PDS5B: variants seen among roughly 807,000 people sequenced by gnomAD.
The protein encoded by PDS5B is sister chromatid cohesion protein PDS5 homolog B.
A neutral mutation model predicts 184.1 loss-of-function variants in PDS5B; 51 were observed. The observed-to-expected ratio is 0.28, with a 90% CI of 0.22 to 0.35. PDS5B has a LOEUF of 0.35. Ranked by LOEUF, PDS5B falls within the 10% of genes least tolerant of loss-of-function variation. The pLI is 1.00. For synonymous variants in PDS5B, 566 were observed against 569.2 expected (o/e 0.99, Z 0.08); for missense variants, 1,180 against 1,723.3 (o/e 0.68, Z 5.58).
At chr13:32,746,597 G>C (rs1019552760) in intron 24 of PDS5B, among the ~76,000 whole-genome samples, 1 of 152,164 alleles carries the variant, frequency 6.6e-6, no homozygotes, top group Non-Finnish European at 1.5e-5. Flanking sequence ...TTGTGCTTTG[G>C]AACGCCAGAC....
chr13:32,605,794 T>C (rs1227417443), intron 1 of PDS5B, among the ~76,000 whole-genome samples: 1 of 152,204 alleles, frequency 6.6e-6, no homozygotes, highest in East Asian at 1.9e-4. Flanking sequence ...TAGCTCTTCT[T>C]GTTGAATCGA....
Position 32,651,266 on chromosome 13 carries a change from G to C in PDS5B, c.109-538G>C, listed in dbSNP as rs547586861. ...AAATATTTTGTTGGATGCCGTGGTA[G>C]ATACTTCATAGTAGCTTTTCAGTGT... is the stretch of plus-strand genomic sequence containing the variant. On this transcript the variant is annotated intron_variant, in intron 2 of 34. Coordinates refer to ENST00000315596, the MANE Select transcript of PDS5B (RefSeq NM_015032.4). 4.6e-5 allele frequency among the ~76,000 whole-genome samples: 7 copies of C among 152,296 alleles called. No homozygotes were observed. The East Asian group carries it at 1.4e-3, about 29-fold the overall frequency.
intron 1 of PDS5B, among the ~76,000 whole-genome samples, chr13:32,587,728 GT>G (rs897028040): frequency 6.6e-6 from 1 of 152,230 alleles, no homozygotes; most frequent in African/African-American, 2.4e-5. Context: ...CCCAGCGAGG[GT>G]TAACCCTTTT....
chr13:32,745,887 G>A, intron 23 of PDS5B, 90 bp from the exon 24 acceptor site: 3 of 1,080,794 alleles, frequency 2.8e-6, no homozygotes, highest in Non-Finnish European at 4.0e-6. Flanking sequence ...AAACTTTTTT[G>A]TGCCAGAATT....
chr13:32,625,780 A>C (rs1006247165), intron 1 of PDS5B, among the ~76,000 whole-genome samples: 2 of 152,030 alleles, frequency 1.3e-5, no homozygotes, highest in Non-Finnish European at 2.9e-5. Context: ...ATAAAAAAAA[A>C]AAAGTTTGAA....
At chr13:32,592,505 C>T (rs2057793047) in intron 1 of PDS5B, among the ~76,000 whole-genome samples, 1 of 152,074 alleles carries the variant, frequency 6.6e-6, no homozygotes, top group Non-Finnish European at 1.5e-5. Context: ...GATCTGCCCG[C>T]CTTGGCCTCT....
At position 32,697,210 on chromosome 13, in the gene PDS5B, C is replaced by T. The variant is rs1027250476; in HGVS notation, c.1600+308C>T. On this transcript the variant is annotated intron_variant, in intron 15 of 34. Coordinates refer to ENST00000315596, the MANE Select transcript of PDS5B (RefSeq NM_015032.4). The stretch of plus-strand genomic sequence containing the variant: ...AAAGGATATACCTAATAACTACATA[C>T]GTAACAGCTTCTTTGAAAAAATATT... Among the ~76,000 whole-genome samples, 10 of 152,284 alleles carry T rather than the reference C, an allele frequency of 6.6e-5. No individual in the cohort carries two copies. In the East Asian group the frequency reaches 1.7e-3, roughly 26 times the overall value.
At chr13:32,646,605 G>A (rs7329120) in intron 1 of PDS5B, among the ~76,000 whole-genome samples, 3 of 150,790 alleles carry the variant, frequency 2.0e-5, no homozygotes, top group Admixed American at 6.6e-5. Flanking sequence ...TTAGCTTAAC[G>A]GGTTTTAGTG....
Position 32,673,118 on chromosome 13 carries a change from T to C in PDS5B, c.706-98T>C. 4.7e-6 allele frequency: 5 copies of C among 1,056,036 alleles called. No individual in the cohort carries two copies. The South Asian group carries it at 5.5e-5, about 12-fold the overall frequency. The allele number at this position is 1,056,036 out of a possible 1,614,324, so 65.4% of individuals were successfully genotyped here. On this transcript the variant is annotated intron_variant, in intron 7 of 34. Transcript: ENST00000315596. ...TATTTTGATATGCCTAGTTTGACTTTGTATAAAATAATGATGAATTTGGTC... is the reference window on the plus strand; with the variant it reads ...TATTTTGATATGCCTAGTTTGACTTCGTATAAAATAATGATGAATTTGGTC...
intron 31 of PDS5B, among the ~76,000 whole-genome samples, chr13:32,769,333 G>C (rs1954698668): frequency 6.6e-6 from 1 of 152,126 alleles, no homozygotes; most frequent in South Asian, 2.1e-4. Flanking sequence ...TAATTCGATA[G>C]TTTTTGTTGT....
In PDS5B at chr13:32,611,630, C is replaced by T. The variant is rs535309133; in HGVS notation, c.-20+25037C>T. Among the ~76,000 whole-genome samples the T allele has an allele frequency of 1.4e-3, 213 of 151,226 alleles. 1 individual carries two copies. The highest frequency in any genetic ancestry group is 0.01 in the Middle Eastern group (3 of 286). Reference sequence around the variant, plus strand: ...TCTAGTGATCTTCCTGCCTCAGCCTCCTGAGTAGCTGGGACTACAGGTGCG... The same window carrying T: ...TCTAGTGATCTTCCTGCCTCAGCCTTCTGAGTAGCTGGGACTACAGGTGCG... On this transcript the variant is annotated intron_variant, in intron 1 of 34. Transcript: ENST00000315596.
chr13:32,619,980 G>A (rs1399488942), intron 1 of PDS5B, among the ~76,000 whole-genome samples: 1 of 151,966 alleles, frequency 6.6e-6, no homozygotes, highest in Non-Finnish European at 1.5e-5. Flanking sequence ...TATATTTTTA[G>A]TAGAGACAGG....
rs751449464 is a variant in PDS5B, at chr13:32,758,522, ATAC to A, written c.3190-9_3190-7del. 6.2e-7 allele frequency: 1 copy of A among 1,603,628 alleles called. No homozygotes were observed. Among genetic ancestry groups the A allele is most frequent in the South Asian group, 1.1e-5 (1 of 89,352 alleles). On this transcript the variant is annotated splice_polypyrimidine_tract_variant and intron_variant, in intron 27 of 34. Transcript: ENST00000315596. ...CTTAAGTATCTGTGTTTTTAAAAAT[ATAC>A]TATTGCAGAAACTGTACACTGTGTG... is the stretch of plus-strand genomic sequence containing the variant.
chr13:32,741,017 GAAAAGAA>G (rs1953523594), intron 21 of PDS5B, 56 bp from the exon 22 acceptor site: 2 of 954,854 alleles, frequency 2.1e-6, no homozygotes, highest in Non-Finnish European at 3.3e-6. Context: ...AGTGCTAATT[GAAAAGAA>G]TTCATATTTA....
chr13:32,659,404 A>G, intron 6 of PDS5B, 124 bp downstream of exon 6: 2 of 551,116 alleles, frequency 3.6e-6, no homozygotes, highest in Non-Finnish European at 5.9e-6. Context: ...TGGTTTAGTT[A>G]TATTAATACA....
intron 11 of PDS5B, among the ~76,000 whole-genome samples, 200 bp downstream of exon 11, chr13:32,684,223 G>C (rs1240226143): frequency 1.3e-5 from 2 of 152,022 alleles, no homozygotes; most frequent in African/African-American, 4.8e-5. Flanking sequence ...CTTCATTAAA[G>C]ATATTTGTTC....
At position 32,776,002 on chromosome 13, in the gene PDS5B, T is replaced by TATATCAG. The variant is rs1325757912; in HGVS notation, c.*953_*954insTCAGATA. 1.2e-5 allele frequency: 2 copies of TATATCAG among 168,322 alleles called. No individual in the cohort carries two copies. The highest frequency in any genetic ancestry group is 4.8e-5 in the African/African-American group (2 of 41,606). The allele number at this position is 168,322 out of a possible 1,614,324, so 10.4% of individuals were successfully genotyped here. On this transcript the variant is annotated 3_prime_UTR_variant, in exon 35 of 35. Coordinates refer to ENST00000315596, the MANE Select transcript of PDS5B (RefSeq NM_015032.4). ...TTACACTATAATATAAAACCTGATATATACACATTAGAAATATTCCAGTTC... is the reference window on the plus strand; with the variant it reads ...TTACACTATAATATAAAACCTGATATATATCAGATACACATTAGAAATATTCCAGTTC...
intron 6 of PDS5B, among the ~76,000 whole-genome samples, chr13:32,659,845 G>A (rs1168445018): frequency 6.6e-6 from 1 of 152,158 alleles, no homozygotes; most frequent in East Asian, 1.9e-4. Flanking sequence ...GAGGAGGACA[G>A]GAATCACCAG....
chr13:32,771,413 C>G (rs1052541817), intron 33 of PDS5B, among the ~76,000 whole-genome samples: 4 of 152,092 alleles, frequency 2.6e-5, no homozygotes, highest in African/African-American at 7.2e-5. Flanking sequence ...ATTTGCAGAT[C>G]TGACAGTGTT....
Sources: allele counts gnomAD v4.1 joint callset (sites outside exome capture counted in the v4.1 genomes callset), GRCh38; gene constraint gnomAD v4.1.1; transcripts MANE v1.5; gene names NCBI Gene and HGNC (gene_info 2026-07-23, HGNC 2026-07-21).